Variants in IMMP2L observed in about 807,000 individuals in gnomAD.
IMMP2L encodes the protein mitochondrial inner membrane protease subunit 2.
A neutral mutation model predicts 19.3 loss-of-function variants in IMMP2L; 18 were observed. The observed-to-expected ratio is 0.93, with a 90% CI of 0.64 to 1.38. IMMP2L has a LOEUF of 1.38. Among genes scored for constraint, IMMP2L ranks in the 40% most tolerant of loss-of-function variants. IMMP2L has a pLI of 0.00. For synonymous variants in IMMP2L, 76 were observed against 73.0 expected, an observed-to-expected ratio of 1.04 and a Z score of -0.21; for missense variants, 233 against 218.2, an observed-to-expected ratio of 1.07 and a Z score of -0.43.
chr7:110,665,137 A>G (rs780724094), intron 5 of IMMP2L: 1 of 152,250 alleles, frequency 6.6e-6, no homozygotes, highest in Non-Finnish European at 1.5e-5. Context: ...TGGGCTCAAT[A>G]AAGGGTTCTT....
chr7:111,140,107 TAAG>T (rs1449266362), intron 3 of IMMP2L, among the ~76,000 whole-genome samples: 5 of 151,654 alleles, frequency 3.3e-5, no homozygotes, highest in African/African-American at 1.2e-4. Context: ...CAGTGAGACA[TAAG>T]AACTAAAAGG....
At chr7:111,209,598 C>T (rs904814159) in intron 3 of IMMP2L, among the ~76,000 whole-genome samples, 6 of 151,964 alleles carry the variant, frequency 3.9e-5, no homozygotes, top group Admixed American at 6.6e-5. Flanking sequence ...AAATAATTAC[C>T]ACCTTTATCA....
intron 3 of IMMP2L, among the ~76,000 whole-genome samples, chr7:111,295,606 T>C (rs573557322): frequency 6.6e-6 from 1 of 152,032 alleles, no homozygotes; most frequent in African/African-American, 2.4e-5. Flanking sequence ...AATCTTATTA[T>C]ACGGTTATTC....
intron 5 of IMMP2L, among the ~76,000 whole-genome samples, chr7:110,751,176 A>G (rs2130918944): frequency 6.6e-6 from 1 of 152,128 alleles, no homozygotes; most frequent in South Asian, 2.1e-4. Context: ...TTAAAAAAAA[A>G]AAAAATCATG....
chr7:111,057,561 G>C (rs570928727), intron 3 of IMMP2L, among the ~76,000 whole-genome samples: 1 of 152,154 alleles, frequency 6.6e-6, no homozygotes, highest in Admixed American at 6.5e-5. Flanking sequence ...ACCATTCATA[G>C]AAAGCAGCTT....
intron 3 of IMMP2L, among the ~76,000 whole-genome samples, chr7:111,442,901 A>G (rs780309039): frequency 1.3e-5 from 2 of 151,924 alleles, no homozygotes; most frequent in Non-Finnish European, 2.9e-5. Context: ...GGACCTAGTT[A>G]CAAATACCAT....
chr7:111,200,345 T>C (rs937146561), intron 3 of IMMP2L, among the ~76,000 whole-genome samples: 1 of 152,144 alleles, frequency 6.6e-6, no homozygotes, highest in East Asian at 1.9e-4. Flanking sequence ...ATTTAACTTG[T>C]TGGATCTTTA....
At chr7:111,292,613 G>A (rs1821234758) in intron 3 of IMMP2L, among the ~76,000 whole-genome samples, 1 of 151,868 alleles carries the variant, frequency 6.6e-6, no homozygotes, top group Non-Finnish European at 1.5e-5. Context: ...AAAAACATCA[G>A]GCTAAAGACT....
intron 3 of IMMP2L, among the ~76,000 whole-genome samples, chr7:111,086,688 GACCTTC>G (rs2129577174): frequency 6.6e-6 from 1 of 152,282 alleles, no homozygotes; most frequent in South Asian, 2.1e-4. Context: ...AGTCATTGAA[GACCTTC>G]CTAGCACAAT....
chr7:110,719,172 C>T (rs566517010), intron 5 of IMMP2L, among the ~76,000 whole-genome samples: 4 of 152,130 alleles, frequency 2.6e-5, no homozygotes, highest in Non-Finnish European at 1.5e-5. Flanking sequence ...CAGACAAACA[C>T]TGGACTGAAC....
intron 1 of IMMP2L, among the ~76,000 whole-genome samples, chr7:111,540,245 A>C (rs190054842): frequency 6.6e-6 from 1 of 152,324 alleles, no homozygotes; most frequent in Admixed American, 6.5e-5. Context: ...GGGGTGCTCC[A>C]TCATAAAACA....
intron 3 of IMMP2L, among the ~76,000 whole-genome samples, chr7:111,116,854 T>A (rs1285248602): frequency 6.6e-6 from 1 of 152,132 alleles, no homozygotes; most frequent in Admixed American, 6.5e-5. Flanking sequence ...AGGTGTGTGG[T>A]GCTGTTTTAA....
At chr7:110,833,312 G>A (rs1466305665) in intron 5 of IMMP2L, among the ~76,000 whole-genome samples, 1 of 151,750 alleles carries the variant, frequency 6.6e-6, no homozygotes, top group African/African-American at 2.4e-5. Context: ...GGTGGTGGGT[G>A]CCTGTAATCC....
intron 4 of IMMP2L, among the ~76,000 whole-genome samples, chr7:110,956,976 C>A (rs921969469): frequency 6.6e-6 from 1 of 151,852 alleles, no homozygotes; most frequent in Non-Finnish European, 1.5e-5. Context: ...TAAGAAAAAG[C>A]AATTAACTAA....
At position 110,815,235 on chromosome 7, in the gene IMMP2L, T is replaced by C. The variant is rs1041992079; in HGVS notation, c.408+71358A>G. ...TCTATTGAGATAATCATGTGGTTTT[T>C]GTCTTTGGCTCTGTTTATATGCTGG... On this transcript the variant is annotated intron_variant, in intron 5 of 5. Transcript: ENST00000405709. Among the ~76,000 whole-genome samples, 13 of 152,168 alleles carry C rather than the reference T, an allele frequency of 8.5e-5. 1 individual carries two copies. Among genetic ancestry groups the C allele is most frequent in the Admixed American group, 2.6e-4 (4 of 15,262 alleles).
At chr7:111,256,147 C>G (rs927918304) in intron 3 of IMMP2L, among the ~76,000 whole-genome samples, 3 of 151,902 alleles carry the variant, frequency 2.0e-5, no homozygotes, top group Admixed American at 6.6e-5. Context: ...AGTATTCTAG[C>G]AAGCCCATTT....
chr7:111,488,711 T>C (rs1842850428), intron 2 of IMMP2L, among the ~76,000 whole-genome samples: 2 of 152,128 alleles, frequency 1.3e-5, no homozygotes, highest in South Asian at 2.1e-4. Flanking sequence ...TCTGGGTAGA[T>C]ACCTAGTATT....
intron 3 of IMMP2L, among the ~76,000 whole-genome samples, chr7:111,398,665 G>A (rs543993265): frequency 1.7e-3 from 252 of 151,898 alleles, no homozygotes; most frequent in Non-Finnish European, 3.1e-3. Flanking sequence ...CATCCAAATC[G>A]GTAAAGAGGA....
At chr7:111,003,503 A>G (rs761239402) in intron 3 of IMMP2L, among the ~76,000 whole-genome samples, 6 of 151,886 alleles carry the variant, frequency 4.0e-5, no homozygotes, top group Non-Finnish European at 8.8e-5. Context: ...TCTTAATATT[A>G]TAAATTTCAG....
Sources: allele counts gnomAD v4.1 joint callset (sites outside exome capture counted in the v4.1 genomes callset), GRCh38; gene constraint gnomAD v4.1.1; transcripts MANE v1.5; gene names NCBI Gene and HGNC (gene_info 2026-07-23, HGNC 2026-07-21).